Variants in DLC1 observed in about 807,000 individuals in gnomAD.
DLC1 encodes DLC1 Rho GTPase activating protein, also known as rho GTPase-activating protein 7.
A neutral mutation model predicts 140.3 loss-of-function variants in DLC1; 54 were observed. That is an observed-to-expected ratio of 0.38 (90% confidence interval 0.31 to 0.48). DLC1 has a LOEUF of 0.48. Among genes scored for constraint, DLC1 ranks in the 20% least tolerant of loss-of-function variants. DLC1 has a pLI of 0.96. For missense variants in DLC1, 2,536 were observed against 1,907.0 expected (o/e 1.33, Z -6.14); for synonymous variants, 986 against 728.1 (o/e 1.35, Z -5.70).
intron 5 of DLC1, among the ~76,000 whole-genome samples, chr8:13,163,853 C>T (rs1824902074): frequency 6.6e-6 from 1 of 151,928 alleles, no homozygotes; most frequent in Admixed American, 6.6e-5. Context: ...AGAATAACCC[C>T]AAAATTAGCC....
At chr8:13,364,615 T>A (rs1050714840) in intron 4 of DLC1, among the ~76,000 whole-genome samples, 4 of 152,122 alleles carry the variant, frequency 2.6e-5, no homozygotes, top group African/African-American at 9.7e-5. Context: ...GATACTTCTA[T>A]CTCCCCTTTT....
At chr8:13,349,353 A>G (rs1321719232) in intron 4 of DLC1, among the ~76,000 whole-genome samples, 2 of 152,196 alleles carry the variant, frequency 1.3e-5, no homozygotes, top group Admixed American at 6.5e-5. Flanking sequence ...AGATTCACCT[A>G]TCTTAGAGCC....
At position 13,097,186 on chromosome 8, in the gene DLC1, G is replaced by C. The variant is rs539180630; in HGVS notation, c.3167+1213C>G. Among the ~76,000 whole-genome samples the C allele has an allele frequency of 4.6e-5, 7 of 151,992 alleles. No individual in the cohort carries two copies. The South Asian group carries it at 1.5e-3, about 32-fold the overall frequency. ...AATTATTCACTGTTAGACAGTCTTTGCTAGAAAAAAAGTAACCTGAATTCT... is the reference window on the plus strand; with the variant it reads ...AATTATTCACTGTTAGACAGTCTTTCCTAGAAAAAAAGTAACCTGAATTCT... On this transcript the variant is annotated intron_variant, in intron 10 of 17. Coordinates refer to ENST00000276297, the MANE Select transcript of DLC1 (RefSeq NM_182643.3).
intron 1 of DLC1, among the ~76,000 whole-genome samples, chr8:13,513,399 A>G (rs892996712): frequency 2.6e-5 from 4 of 152,180 alleles, no homozygotes; most frequent in East Asian, 1.9e-4. Flanking sequence ...AAATTTATCA[A>G]TATAAGTTAT....
At chr8:13,559,180 A>T (rs759933130) in intron 1 of DLC1, 2 of 152,226 alleles carry the variant, frequency 1.3e-5, no homozygotes, top group Non-Finnish European at 2.9e-5. Flanking sequence ...GTGCTTCATT[A>T]GCTATCATAG....
At chr8:13,186,148 G>A (rs926375309) in intron 5 of DLC1, among the ~76,000 whole-genome samples, 8 of 152,156 alleles carry the variant, frequency 5.3e-5, no homozygotes, top group African/African-American at 1.7e-4. Context: ...TTCTCGAGAA[G>A]TATCTTTGTG....
rs77029831 is a variant in DLC1, at chr8:13,309,299, G to T, written c.1315-3997C>A. 1.4e-3 allele frequency among the ~76,000 whole-genome samples: 216 copies of T among 152,086 alleles called. 6 individuals carry two copies. In the East Asian group the frequency reaches 0.038, roughly 27 times the overall value. On this transcript the variant is annotated intron_variant, in intron 4 of 17. Coordinates refer to ENST00000276297, the MANE Select transcript of DLC1 (RefSeq NM_182643.3). Reference sequence around the variant, plus strand: ...TCTACAAATGACTTCCAAATGAAAGGGGAGAAAAATCATCCATAGTCTTTT... The same window carrying T: ...TCTACAAATGACTTCCAAATGAAAGTGGAGAAAAATCATCCATAGTCTTTT...
intron 4 of DLC1, among the ~76,000 whole-genome samples, chr8:13,314,284 A>T (rs1832784940): frequency 6.7e-6 from 1 of 148,350 alleles, no homozygotes; most frequent in Non-Finnish European, 1.5e-5. Context: ...TTCACATTTA[A>T]TCAGAATATA....
At chr8:13,405,969 C>CTTTCTTTCT in intron 2 of DLC1, among the ~76,000 whole-genome samples, 1 of 85,064 alleles carries the variant, frequency 1.2e-5, no homozygotes, top group South Asian at 3.7e-4. Flanking sequence ...TTCTTTCTTT[C>CTTTCTTTCT]TTTCATCTCT....
intron 4 of DLC1, among the ~76,000 whole-genome samples, chr8:13,379,715 C>T (rs1836166982): frequency 6.6e-6 from 1 of 152,228 alleles, no homozygotes; most frequent in Non-Finnish European, 1.5e-5. Context: ...TATAAATGTG[C>T]CATGGTGGTT....
At chr8:13,190,046 A>G (rs1826656793) in intron 5 of DLC1, among the ~76,000 whole-genome samples, 1 of 152,210 alleles carries the variant, frequency 6.6e-6, no homozygotes, top group African/African-American at 2.4e-5. Flanking sequence ...AGCCGCTGCA[A>G]AAAACATCAA....
At position 13,353,133 on chromosome 8, in the gene DLC1, G is replaced by A. The variant is rs145475768; in HGVS notation, c.1314+40420C>T. Reference sequence around the variant, plus strand: ...GGTGGCTGAAAGGTGGCTATACGTGGCTTTCCTCTTGTCTGCAAATGAGGC... The same window carrying A: ...GGTGGCTGAAAGGTGGCTATACGTGACTTTCCTCTTGTCTGCAAATGAGGC... On this transcript the variant is annotated intron_variant, in intron 4 of 17. Coordinates refer to ENST00000276297, the MANE Select transcript of DLC1 (RefSeq NM_182643.3). 2.8e-3 allele frequency among the ~76,000 whole-genome samples: 428 copies of A among 152,258 alleles called. 1 individual carries two copies. The highest frequency in any genetic ancestry group is 4.2e-3 in the Non-Finnish European group (287 of 68,024).
At chr8:13,578,191 C>T (rs1357244853) in intron 1 of DLC1, among the ~76,000 whole-genome samples, 2 of 152,200 alleles carry the variant, frequency 1.3e-5, no homozygotes, top group Admixed American at 1.3e-4. Context: ...CCAAGGATGA[C>T]CACATGGCCA....
At chr8:13,285,667 G>T (rs1348363102) in intron 5 of DLC1, among the ~76,000 whole-genome samples, 1 of 152,144 alleles carries the variant, frequency 6.6e-6, no homozygotes, top group Non-Finnish European at 1.5e-5. Context: ...TGGAGAGAAT[G>T]TGGAGCAACT....
At chr8:13,400,949 C>G (rs1318177182) in intron 3 of DLC1, among the ~76,000 whole-genome samples, 2 of 152,198 alleles carry the variant, frequency 1.3e-5, no homozygotes, top group African/African-American at 4.8e-5. Flanking sequence ...TCAGCTCTGT[C>G]TCTTTCACTG....
At chr8:13,125,651 G>A (rs1165549041) in intron 5 of DLC1, among the ~76,000 whole-genome samples, 1 of 152,088 alleles carries the variant, frequency 6.6e-6, no homozygotes, top group East Asian at 1.9e-4. Flanking sequence ...TATTTCAACA[G>A]TGCCCTCACT....
chr8:13,094,849 C>A lies in DLC1; in HGVS notation c.3436G>T (p.Val1146Leu), dbSNP rs765021363. The A allele has an allele frequency of 1.9e-6, 3 of 1,614,114 alleles. No individual in the cohort carries two copies. The highest frequency in any genetic ancestry group is 2.7e-5 in the African/African-American group (2 of 74,932). The change falls in exon 12 of 18, where the codon GTG becomes TTG. Residue 1146 changes from valine (V) to leucine (L), a missense_variant. By Grantham distance (32) the Val-to-Leu change is conservative. Transcript: ENST00000276297. Reference protein sequence around the residue: ...VNYEGQSAYDVADMLKQYFRD... With the variant: ...VNYEGQSAYDLADMLKQYFRD... ...AAATACTGCTTCAGCATGTCTGCCA[C>A]GTCATAAGCAGACTGTCCTTCGTAG... is the stretch of plus-strand genomic sequence containing the variant.
intron 7 of DLC1, among the ~76,000 whole-genome samples, chr8:13,103,839 C>G (rs918772447): frequency 6.6e-5 from 4 of 60,808 alleles, no homozygotes; most frequent in Non-Finnish European, 1.4e-4. Context: ...GACTCCATCT[C>G]AAAAAAAAAA....
rs577987071 is a variant in DLC1 at position 13,567,463 on chromosome 8, G to T, written c.-126+37074C>A. 3.5e-5 allele frequency: 55 copies of T among 1,552,060 alleles called. No homozygotes were observed. The Middle Eastern group carries it at 3.0e-3, about 85-fold the overall frequency. ...GCTGCATCTTGGATTGGATGTAGAG[G>T]CTTCAGAGAGAGATGCCTTTAGTTG... On this transcript the variant is annotated intron_variant, in intron 1 of 1. Transcript: ENST00000631382.
Sources: gnomAD v4.1 joint callset for allele counts (sites outside exome capture counted in the v4.1 genomes callset) on GRCh38, gnomAD v4.1.1 for gene constraint, MANE v1.5 for transcripts, NCBI Gene and HGNC (gene_info 2026-07-23, HGNC 2026-07-21) for gene names.